Variants in OPRM1 observed in about 807,000 individuals in gnomAD.
OPRM1 encodes mu-type opioid receptor.
OPRM1 carries 27 observed loss-of-function variants against 31.8 expected under a neutral mutation model. The ratio of observed to expected loss-of-function variants is 0.85; its 90% CI spans 0.63 to 1.17. The LOEUF is 1.17. OPRM1 is among the 50% of genes most tolerant of loss of function. The probability of loss-of-function intolerance (pLI) is 0.00; values close to 1 mark genes in which losing one functional copy is unlikely to be tolerated. For missense variants in OPRM1, 536 were observed against 511.1 expected (o/e 1.05, Z -0.47); for synonymous variants, 196 against 189.9 (o/e 1.03, Z -0.26).
Position 154,125,963 on chromosome 6 carries a change from C to T in OPRM1, c.*7242C>T, listed in dbSNP as rs1797567344. Among the ~76,000 whole-genome samples, 2 of 31,852 alleles carry T rather than the reference C, an allele frequency of 6.3e-5. 1 individual carries two copies. Among genetic ancestry groups the T allele is most frequent in the African/African-American group, 1.2e-4 (2 of 16,114 alleles). The allele number at this position is 31,852 out of a possible 152,430, so 20.9% of individuals were successfully genotyped here. ...GACTACAGGCGCCCGCCACTACGCC[C>T]GGCTAATTTTTTGTATTTTTAGTAG... On this transcript the variant is annotated 3_prime_UTR_variant, in exon 4 of 4. Coordinates refer to ENST00000330432, the MANE Select transcript of OPRM1 (RefSeq NM_000914.5).
intron 3 of OPRM1, among the ~76,000 whole-genome samples, chr6:154,206,675 C>T (rs1777520172): frequency 6.6e-6 from 1 of 152,150 alleles, no homozygotes; most frequent in African/African-American, 2.4e-5. Flanking sequence ...ATTACCCTGA[C>T]CTAGAGGACT....
chr6:154,012,586 A>G (rs542829090), intron 1 of OPRM1, among the ~76,000 whole-genome samples: 1 of 152,178 alleles, frequency 6.6e-6, no homozygotes, highest in South Asian at 2.1e-4. Context: ...TGCTGTTTCT[A>G]TTATATTTTC....
intron 1 of OPRM1, among the ~76,000 whole-genome samples, chr6:154,088,309 G>A (rs556708496): frequency 2.6e-5 from 4 of 152,276 alleles, no homozygotes; most frequent in South Asian, 4.1e-4. Context: ...AATTGCCTGA[G>A]GAATAGTGAG....
At chr6:154,207,452 A>G (rs1487296811) in intron 3 of OPRM1, among the ~76,000 whole-genome samples, 2 of 152,248 alleles carry the variant, frequency 1.3e-5, no homozygotes, top group Non-Finnish European at 2.9e-5. Flanking sequence ...ACAGATATTG[A>G]ATAATCAAAT....
In OPRM1 at chr6:154,081,759, C is replaced by T. The variant is rs7752933; in HGVS notation, c.291-8067C>T. On this transcript the variant is annotated intron_variant, in intron 1 of 3. Transcript: ENST00000330432. ...TTACAACACAATCAGCAATGCACTCCTAGAAATACACGTGGCCCACAATAC... is the reference window on the plus strand; with the variant it reads ...TTACAACACAATCAGCAATGCACTCTTAGAAATACACGTGGCCCACAATAC... Among the ~76,000 whole-genome samples the T allele has an allele frequency of 6.0e-3, 907 of 152,244 alleles. 6 individuals carry two copies. Among genetic ancestry groups the T allele is most frequent in the African/African-American group, 0.021 (864 of 41,544 alleles).
chr6:154,231,405 C>T (rs1400495750), intron 3 of OPRM1, among the ~76,000 whole-genome samples: 1 of 152,200 alleles, frequency 6.6e-6, no homozygotes, highest in Non-Finnish European at 1.5e-5. Flanking sequence ...GGGATCTGTC[C>T]TAACTATACC....
intron 1 of OPRM1, among the ~76,000 whole-genome samples, chr6:154,019,834 AG>A (rs1778254760): frequency 6.7e-6 from 1 of 149,888 alleles, no homozygotes; most frequent in Admixed American, 6.6e-5. Flanking sequence ...TCCGGGCTCA[AG>A]CAATCCCCCC....
intron 1 of OPRM1, among the ~76,000 whole-genome samples, chr6:154,020,969 G>A (rs1458922122): frequency 6.6e-6 from 1 of 152,148 alleles, no homozygotes; most frequent in Non-Finnish European, 1.5e-5. Flanking sequence ...ATTTAATGAA[G>A]TACAGCTTAT....
chr6:154,049,326 C>T (rs1299973704), intron 1 of OPRM1, among the ~76,000 whole-genome samples: 1 of 152,070 alleles, frequency 6.6e-6, no homozygotes, highest in African/African-American at 2.4e-5. Flanking sequence ...AAAAATGTGG[C>T]AATAAATAGA....
intron 1 of OPRM1, among the ~76,000 whole-genome samples, chr6:154,019,742 C>A (rs956078521): frequency 7.6e-6 from 1 of 131,192 alleles, no homozygotes; most frequent in South Asian, 2.3e-4. Flanking sequence ...CTTTTCTTTT[C>A]TTTTCTTTTT....
At chr6:154,246,690 C>T in intron 3 of OPRM1, 2 of 1,614,084 alleles carry the variant, frequency 1.2e-6, no homozygotes, top group Non-Finnish European at 1.7e-6. Context: ...TTTTCTTATA[C>T]AGCCACCCTT....
chr6:154,114,805 T>G (rs1327448699), intron 3 of OPRM1, among the ~76,000 whole-genome samples: 2 of 152,008 alleles, frequency 1.3e-5, no homozygotes, highest in East Asian at 3.8e-4. Flanking sequence ...TATTACATTT[T>G]TCATTAGTCC....
intron 1 of OPRM1, among the ~76,000 whole-genome samples, chr6:154,072,028 G>A (rs1238696673): frequency 6.6e-6 from 1 of 152,130 alleles, no homozygotes; most frequent in Non-Finnish European, 1.5e-5. Flanking sequence ...AAGCTGTCAG[G>A]GACTTTTTTT....
intron 1 of OPRM1, among the ~76,000 whole-genome samples, chr6:154,043,533 GTGTGTATA>G (rs1315304603): frequency 2.9e-5 from 4 of 136,216 alleles, no homozygotes; most frequent in African/African-American, 1.2e-4. Context: ...ATATGTGTGT[GTGTGTATA>G]TATATATATA....
At chr6:154,152,351 A>AG (rs1798548796) in intron 3 of OPRM1, among the ~76,000 whole-genome samples, 4 of 140,706 alleles carry the variant, frequency 2.8e-5, no homozygotes, top group African/African-American at 1.1e-4. Context: ...AAGAAAGGAA[A>AG]GAAAGAAAGA....
chr6:154,114,159 G>T (rs948293515), intron 3 of OPRM1, among the ~76,000 whole-genome samples: 1 of 152,134 alleles, frequency 6.6e-6, no homozygotes, highest in African/African-American at 2.4e-5. Flanking sequence ...CATAGATAAG[G>T]CACGTATTGT....
intron 1 of OPRM1, 121 bp from the exon 2 acceptor site, chr6:154,089,705 A>G: frequency 3.1e-6 from 2 of 655,490 alleles, no homozygotes; most frequent in Non-Finnish European, 2.6e-6. Flanking sequence ...CTGGAAAACA[A>G]TTCTATATCT....
At chr6:154,238,427 G>GTA (rs148667051) in intron 3 of OPRM1, among the ~76,000 whole-genome samples, 2,184 of 150,286 alleles carry the variant, frequency 0.015, 56 homozygotes, top group African/African-American at 0.049. Flanking sequence ...GGCTAATTTT[G>GTA]TATATATATA....
At chr6:154,149,988 C>T (rs528993321) in intron 3 of OPRM1, among the ~76,000 whole-genome samples, 41 of 152,348 alleles carry the variant, frequency 2.7e-4, no homozygotes, top group African/African-American at 9.4e-4. Context: ...CCAGCACGTC[C>T]CAATTGCTTT....
Sources: allele counts gnomAD v4.1 joint callset (sites outside exome capture counted in the v4.1 genomes callset), GRCh38; gene constraint gnomAD v4.1.1; transcripts MANE v1.5; gene names NCBI Gene and HGNC (gene_info 2026-07-23, HGNC 2026-07-21).